The following RIN2 variants were observed in gnomAD, a reference collection of about 807,000 sequenced individuals.
The protein encoded by RIN2 is RAB5 interacting protein 2.
In RIN2, 36 loss-of-function variants were observed where a neutral mutation model predicts 78.0. The ratio of observed to expected loss-of-function variants is 0.46; its 90% CI spans 0.35 to 0.61. The LOEUF is 0.61. Ranked by LOEUF, RIN2 falls within the 20% of genes least tolerant of loss-of-function variation. The pLI is 0.00. For missense variants in RIN2, 1,087 were observed against 1,159.7 expected (o/e 0.94, Z 0.91); for synonymous variants, 466 against 466.8 (o/e 1.00, Z 0.02).
chr20:19,924,334 CCTCTTCATACCCCACCT>C, intron 3 of RIN2, among the ~76,000 whole-genome samples: 1 of 23,642 alleles, frequency 4.2e-5, no homozygotes, highest in Admixed American at 5.3e-4. Flanking sequence ...TCATACCGCA[CCTCTTCATACCCCACCT>C]CTTCATACCC....
At chr20:19,857,054 C>T (rs748137964) in intron 2 of RIN2, among the ~76,000 whole-genome samples, 4 of 152,136 alleles carry the variant, frequency 2.6e-5, no homozygotes, top group Admixed American at 6.5e-5. Context: ...GCAGAGACCC[C>T]GGTAGCCACC....
intron 3 of RIN2, among the ~76,000 whole-genome samples, chr20:19,907,406 G>A (rs1434463341): frequency 6.6e-6 from 1 of 152,192 alleles, no homozygotes; most frequent in Non-Finnish European, 1.5e-5. Flanking sequence ...GCAGCTGGGG[G>A]TTGCCCTGGC....
At chr20:19,851,050 GAGAA>G (rs754184696) in intron 2 of RIN2, among the ~76,000 whole-genome samples, 783 of 54,976 alleles carry the variant, frequency 0.014, 13 homozygotes, top group Non-Finnish European at 0.019. Flanking sequence ...AGGAAGGAAG[GAGAA>G]AGAAAGGAAG....
At chr20:19,925,034 C>T (rs914381323) in intron 3 of RIN2, among the ~76,000 whole-genome samples, 5 of 151,260 alleles carry the variant, frequency 3.3e-5, no homozygotes, top group East Asian at 4.0e-4. Context: ...CCACTGCGCC[C>T]GGCCTCCCCC....
In RIN2 at chr20:19,799,689, C is replaced by T. The variant is rs951648788; in HGVS notation, c.-95C>T. On this transcript the variant is annotated 5_prime_UTR_variant, in exon 2 of 13. It adds an upstream start codon to the 5' untranslated region. Coordinates refer to ENST00000255006, the MANE Select transcript of RIN2 (RefSeq NM_018993.4). ...GATAAAATGTGCAAGCCCTTCAGAACGCTGGGGAGGTTGGGCTGAACTGCA... is the reference window on the plus strand; with the variant it reads ...GATAAAATGTGCAAGCCCTTCAGAATGCTGGGGAGGTTGGGCTGAACTGCA... 5.9e-5 allele frequency: 9 copies of T among 152,136 alleles called. No homozygotes were observed. Among genetic ancestry groups the T allele is most frequent in the South Asian group, 2.1e-4 (1 of 4,824 alleles). The allele number at this position is 152,136 out of a possible 1,614,324, so 9.4% of individuals were successfully genotyped here.
intron 2 of RIN2, among the ~76,000 whole-genome samples, chr20:19,837,801 CCTT>C (rs1327893776): frequency 6.6e-6 from 1 of 151,552 alleles, no homozygotes; most frequent in Non-Finnish European, 1.5e-5. Context: ...CTTTCTCCAT[CCTT>C]CTTTCCTTTC....
chr20:19,766,165 G>A (rs1057463864), intron 1 of RIN2, among the ~76,000 whole-genome samples: 1 of 152,096 alleles, frequency 6.6e-6, no homozygotes, highest in African/African-American at 2.4e-5. Flanking sequence ...TCTGTATTCC[G>A]GGATTCCTGC....
chr20:19,906,002 A>G (rs2039204799), intron 3 of RIN2, among the ~76,000 whole-genome samples: 1 of 152,114 alleles, frequency 6.6e-6, no homozygotes, highest in Admixed American at 6.5e-5. Flanking sequence ...TTTCACAAAC[A>G]AACAAACAAA....
intron 3 of RIN2, among the ~76,000 whole-genome samples, chr20:19,925,838 C>A (rs905959566): frequency 6.6e-6 from 1 of 152,184 alleles, no homozygotes; most frequent in Admixed American, 6.5e-5. Flanking sequence ...GAACCTGCTA[C>A]ATGCATAGGC....
At chr20:19,948,861 G>T (rs2041202843) in intron 4 of RIN2, among the ~76,000 whole-genome samples, 1 of 151,968 alleles carries the variant, frequency 6.6e-6, no homozygotes, top group Admixed American at 6.6e-5. Flanking sequence ...CGAATGTAGT[G>T]GCATGATCAC....
chr20:19,820,818 A>G (rs2035904579), intron 2 of RIN2, among the ~76,000 whole-genome samples: 1 of 152,272 alleles, frequency 6.6e-6, no homozygotes, highest in African/African-American at 2.4e-5. Context: ...TTCCTTCTGC[A>G]CCATATGCTG....
chr20:19,892,230 A>C (rs2038502023), intron 3 of RIN2, among the ~76,000 whole-genome samples: 1 of 152,162 alleles, frequency 6.6e-6, no homozygotes, highest in African/African-American at 2.4e-5. Flanking sequence ...TAATTAATTT[A>C]TTTTGAGACG....
intron 4 of RIN2, among the ~76,000 whole-genome samples, chr20:19,947,892 G>C (rs936976965): frequency 1.3e-5 from 2 of 152,252 alleles, no homozygotes; most frequent in Non-Finnish European, 2.9e-5. Context: ...AGCAGGTGTT[G>C]CTCTTCCAAG....
intron 2 of RIN2, among the ~76,000 whole-genome samples, chr20:19,888,873 A>T (rs1457348656): frequency 3.3e-5 from 5 of 152,212 alleles, no homozygotes. Context: ...CTAGCAGGGG[A>T]AATTCCAAGC....
chr20:19,989,895 T>C, intron 9 of RIN2, 111 bp from the exon 10 acceptor site: 1 of 1,070,328 alleles, frequency 9.3e-7, no homozygotes, highest in Non-Finnish European at 1.3e-6. Context: ...GTGTACAATT[T>C]GTGTGCCTGC....
intron 2 of RIN2, among the ~76,000 whole-genome samples, chr20:19,843,766 G>A (rs1367008858): frequency 6.6e-6 from 1 of 151,944 alleles, no homozygotes; most frequent in Non-Finnish European, 1.5e-5. Flanking sequence ...CAACTGACAA[G>A]CAATATTGAA....
At chr20:19,938,909 A>C (rs1410644245) in intron 4 of RIN2, among the ~76,000 whole-genome samples, 1 of 152,166 alleles carries the variant, frequency 6.6e-6, no homozygotes, top group East Asian at 1.9e-4. Flanking sequence ...GTTCCTTCAT[A>C]GGTTCATTCC....
chr20:19,770,026 C>CT (rs1449564497), intron 1 of RIN2, among the ~76,000 whole-genome samples: 1 of 152,130 alleles, frequency 6.6e-6, no homozygotes, highest in Non-Finnish European at 1.5e-5. Context: ...ATTTAAACCT[C>CT]TTGGTTGTAG....
chr20:19,971,297 A>G (rs913475930), intron 8 of RIN2, among the ~76,000 whole-genome samples: 2 of 151,950 alleles, frequency 1.3e-5, no homozygotes, highest in African/African-American at 4.8e-5. Flanking sequence ...TTGTCGTTCA[A>G]TTGTTGTCCT....
Sources: gnomAD v4.1 joint callset for allele counts (sites outside exome capture counted in the v4.1 genomes callset) on GRCh38, gnomAD v4.1.1 for gene constraint, MANE v1.5 for transcripts, NCBI Gene and HGNC (gene_info 2026-07-23, HGNC 2026-07-21) for gene names.